The following RAB20 variants were observed in gnomAD, a reference collection of about 807,000 sequenced individuals.
The protein encoded by RAB20 is RAB20, member RAS oncogene family.
In RAB20, 2 loss-of-function variants were observed where a neutral mutation model predicts 3.7. The ratio of observed to expected loss-of-function variants is 0.54; its 90% CI spans 0.22 to 1.69. The LOEUF is 1.69. Among genes scored for constraint, RAB20 ranks in the 40% most tolerant of loss-of-function variants. RAB20 has a pLI of 0.19. For missense variants in RAB20, 276 were observed against 311.9 expected (o/e 0.88, Z 0.87); for synonymous variants, 126 against 130.8 (o/e 0.96, Z 0.25).
At chr13:110,559,657 C>T (rs1885099530) in intron 1 of RAB20, among the ~76,000 whole-genome samples, 1 of 152,204 alleles carries the variant, frequency 6.6e-6, no homozygotes. Context: ...CAGCAGCAGC[C>T]TCGGATGCCA....
intron 1 of RAB20, among the ~76,000 whole-genome samples, chr13:110,540,331 T>C (rs1884735920): frequency 6.6e-6 from 1 of 152,278 alleles, no homozygotes; most frequent in Non-Finnish European, 1.5e-5. Flanking sequence ...TGCAGGTATT[T>C]GCTAATGTCT....
At chr13:110,540,068 A>C (rs1201767631) in intron 1 of RAB20, among the ~76,000 whole-genome samples, 3 of 152,254 alleles carry the variant, frequency 2.0e-5, no homozygotes, top group African/African-American at 7.2e-5. Context: ...TTAGTTCTCA[A>C]GTCACATCAC....
Position 110,561,330 on chromosome 13 carries a change from A to C in RAB20, c.172+18T>G, listed in dbSNP as rs768829781. The C allele has an allele frequency of 3.8e-5, 60 of 1,577,892 alleles. No individual in the cohort carries two copies. The African/African-American group carries it at 4.7e-4, about 12-fold the overall frequency. On this transcript the variant is annotated intron_variant, in intron 1 of 1. Coordinates refer to ENST00000267328, the MANE Select transcript of RAB20 (RefSeq NM_017817.3). ...GCGGAGCCCCAGGGCGGTGTGGCTC[A>C]TGCGGCGCCGGCCTCACCTGCGGTG...
intron 1 of RAB20, among the ~76,000 whole-genome samples, chr13:110,550,777 G>A (rs1884939485): frequency 1.3e-5 from 2 of 152,134 alleles, no homozygotes; most frequent in Non-Finnish European, 2.9e-5. Flanking sequence ...TGTAATTAGA[G>A]GGAAGAGTAG....
chr13:110,533,996 G>C (rs982115893), intron 1 of RAB20, among the ~76,000 whole-genome samples: 7 of 152,210 alleles, frequency 4.6e-5, no homozygotes, highest in Admixed American at 2.0e-4. Flanking sequence ...CCAATGGCTT[G>C]CCAGCCTCCA....
At chr13:110,534,922 C>T (rs140421535) in intron 1 of RAB20, among the ~76,000 whole-genome samples, 30 of 152,340 alleles carry the variant, frequency 2.0e-4, no homozygotes, top group African/African-American at 7.2e-4. Flanking sequence ...CAACCTCATC[C>T]TCCTGGGCTC....
intron 1 of RAB20, among the ~76,000 whole-genome samples, chr13:110,539,570 T>A (rs1215705410): frequency 4.0e-5 from 6 of 151,308 alleles, no homozygotes; most frequent in Middle Eastern, 3.4e-3. Flanking sequence ...TTTTGTTTTT[T>A]TTTTTTGAGA....
chr13:110,556,913 G>A (rs1474393494), intron 1 of RAB20, among the ~76,000 whole-genome samples: 2 of 152,218 alleles, frequency 1.3e-5, no homozygotes, highest in African/African-American at 2.4e-5. Flanking sequence ...AGCAGAGAGA[G>A]GCTGTCACGA....
intron 1 of RAB20, among the ~76,000 whole-genome samples, chr13:110,527,058 CAT>C (rs1012481134): frequency 2.6e-5 from 4 of 152,110 alleles, no homozygotes; most frequent in Non-Finnish European, 4.4e-5. Context: ...CACCTGCACA[CAT>C]GTGGCTCTCT....
chr13:110,533,629 G>C (rs530637378), intron 1 of RAB20, among the ~76,000 whole-genome samples: 1 of 152,100 alleles, frequency 6.6e-6, no homozygotes, highest in East Asian at 1.9e-4. Context: ...TTGGGCTGCA[G>C]TGAGCTGGGA....
chr13:110,556,436 TGCAATCCTGC>T (rs2139591466), intron 1 of RAB20, among the ~76,000 whole-genome samples: 1 of 152,348 alleles, frequency 6.6e-6, no homozygotes, highest in African/African-American at 2.4e-5. Flanking sequence ...CAGAAAGGAA[TGCAATCCTGC>T]AAGCTTTGAC....
chr13:110,561,483 C>T lies in RAB20; in HGVS notation c.37G>A (p.Asp13Asn). ...AGCGACGTCTTCCCCACGTTCATGTCCCCCAGGAGCACGATCTTGCTGTCG... is the reference window on the plus strand; with the variant it reads ...AGCGACGTCTTCCCCACGTTCATGTTCCCCAGGAGCACGATCTTGCTGTCG... ...KPDSKIVLLG[D>N]MNVGKTSLLQ... is the part of the protein sequence containing the mutation. Residue 13 changes from aspartate (D) to asparagine (N), a missense_variant, in exon 1 of 2, where the codon GAC becomes AAC. Transcript: ENST00000267328. The T allele has an allele frequency of 6.3e-7, 1 of 1,593,978 alleles. No individual in the cohort carries two copies.
chr13:110,552,986 G>A (rs376919354), intron 1 of RAB20, among the ~76,000 whole-genome samples: 9 of 152,322 alleles, frequency 5.9e-5, no homozygotes, highest in South Asian at 2.1e-4. Flanking sequence ...TGCAATCTCC[G>A]AGTATAATGT....
At chr13:110,524,294 T>A (rs925798580) in intron 1 of RAB20, 97 bp from the exon 2 acceptor site, 18 of 1,449,010 alleles carry the variant, frequency 1.2e-5, no homozygotes, top group Non-Finnish European at 1.6e-5. Context: ...GGATGTTTAT[T>A]TTTAGGGCAA....
chr13:110,554,585 C>T (rs141856951), intron 1 of RAB20, among the ~76,000 whole-genome samples: 85 of 152,316 alleles, frequency 5.6e-4, no homozygotes, highest in African/African-American at 2.0e-3. Context: ...TTCACGGGAA[C>T]GAGCACTTAC....
chr13:110,542,489 C>T (rs1884780880), intron 1 of RAB20, among the ~76,000 whole-genome samples: 1 of 152,278 alleles, frequency 6.6e-6, no homozygotes, highest in East Asian at 1.9e-4. Flanking sequence ...TTCCCTCTCC[C>T]CACCCACCTG....
intron 1 of RAB20, 141 bp downstream of exon 1, chr13:110,561,207 C>G (rs1033316020): frequency 2.3e-5 from 26 of 1,124,566 alleles, no homozygotes; most frequent in Admixed American, 3.4e-5. Context: ...CAAGGGAGGA[C>G]GAGTGGGAAA....
At chr13:110,542,685 G>A (rs919531328) in intron 1 of RAB20, among the ~76,000 whole-genome samples, 6 of 152,190 alleles carry the variant, frequency 3.9e-5, no homozygotes, top group South Asian at 4.1e-4. Flanking sequence ...ACTCCACGGT[G>A]TATATTTACC....
At chr13:110,541,412 G>A (rs1053098093) in intron 1 of RAB20, among the ~76,000 whole-genome samples, 82 of 152,294 alleles carry the variant, frequency 5.4e-4, no homozygotes, top group African/African-American at 1.9e-3. Flanking sequence ...ACATGGGAAC[G>A]AAGTGTCTTC....
Sources: allele counts gnomAD v4.1 joint callset (sites outside exome capture counted in the v4.1 genomes callset), GRCh38; gene constraint gnomAD v4.1.1; transcripts MANE v1.5; gene names NCBI Gene and HGNC (gene_info 2026-07-23, HGNC 2026-07-21).